PRKCQ: variants seen among roughly 807,000 people sequenced by gnomAD.
PRKCQ encodes protein kinase C theta.
A neutral mutation model predicts 91.2 loss-of-function variants in PRKCQ; 41 were observed. That is an observed-to-expected ratio of 0.45 (90% CI 0.35 to 0.58). The LOEUF is 0.58. PRKCQ is among the 20% of genes least tolerant of loss of function. The probability of loss-of-function intolerance (pLI) is 0.00; values close to 1 mark genes in which losing one functional copy is unlikely to be tolerated. For missense variants in PRKCQ, 673 were observed against 896.5 expected (o/e 0.75, Z 3.18); for synonymous variants, 307 against 316.9 (o/e 0.97, Z 0.33).
intron 17 of PRKCQ, among the ~76,000 whole-genome samples, chr10:6,428,660 C>T (rs1157977192): frequency 6.6e-6 from 1 of 151,912 alleles, no homozygotes; most frequent in Admixed American, 6.6e-5. Context: ...GGTTGGCAAC[C>T]TTTGAAAAAG....
At chr10:6,484,826 G>A (rs551464524) in intron 10 of PRKCQ, among the ~76,000 whole-genome samples, 3 of 152,282 alleles carry the variant, frequency 2.0e-5, no homozygotes, top group Admixed American at 2.0e-4. Context: ...AATGTCTTCT[G>A]TGGCCTTCCC....
chr10:6,502,457 G>T (rs559054418), intron 4 of PRKCQ, among the ~76,000 whole-genome samples: 1 of 152,330 alleles, frequency 6.6e-6, no homozygotes, highest in Admixed American at 6.5e-5. Flanking sequence ...GCACTAGCTG[G>T]GCATTGCCAG....
At chr10:6,565,052 G>A (rs908816415) in intron 1 of PRKCQ, among the ~76,000 whole-genome samples, 1 of 152,176 alleles carries the variant, frequency 6.6e-6, no homozygotes, top group African/African-American at 2.4e-5. Flanking sequence ...AAAATTCCCT[G>A]GAGTTTCGTT....
At chr10:6,482,681 G>A (rs184166568) in intron 11 of PRKCQ, among the ~76,000 whole-genome samples, 4 of 152,266 alleles carry the variant, frequency 2.6e-5, no homozygotes, top group South Asian at 4.1e-4. Context: ...AGACATGCCC[G>A]AGACTGGATA....
At chr10:6,544,980 TTC>T (rs1839899978) in intron 1 of PRKCQ, among the ~76,000 whole-genome samples, 1 of 62,070 alleles carries the variant, frequency 1.6e-5, no homozygotes, top group South Asian at 7.4e-4. Flanking sequence ...ATTATTTCCT[TTC>T]TGTTTTTTTT....
intron 1 of PRKCQ, among the ~76,000 whole-genome samples, chr10:6,529,239 A>T (rs528317235): frequency 6.6e-6 from 1 of 152,308 alleles, no homozygotes; most frequent in South Asian, 2.1e-4. Flanking sequence ...TCATTTTCTA[A>T]CCATGGTTAG....
chr10:6,555,539 C>T (rs1007744911), intron 1 of PRKCQ, among the ~76,000 whole-genome samples: 1 of 152,190 alleles, frequency 6.6e-6, no homozygotes, highest in African/African-American at 2.4e-5. Context: ...AAAAGACATT[C>T]ATTGTTGTGT....
At chr10:6,505,079 G>C (rs12773242) in intron 4 of PRKCQ, among the ~76,000 whole-genome samples, 7 of 151,982 alleles carry the variant, frequency 4.6e-5, no homozygotes, top group African/African-American at 1.7e-4. Flanking sequence ...ATTTTTAGTA[G>C]AGACGGGGTT....
rs1047339939 is a variant in PRKCQ at position 6,558,538 on chromosome 10, C to T, written c.-10+21673G>A. Among the ~76,000 whole-genome samples the T allele has an allele frequency of 3.3e-5, 5 of 152,100 alleles. No individual in the cohort carries two copies. The South Asian group carries it at 1.0e-3, about 31-fold the overall frequency. On this transcript the variant is annotated intron_variant, in intron 1 of 17. Coordinates refer to ENST00000263125, the MANE Select transcript of PRKCQ (RefSeq NM_006257.5). ...GAGATAAAAGATACAGGATAAATAA[C>T]TTAAGCTGATGGTTTAGCAAGCAAA...
intron 16 of PRKCQ, among the ~76,000 whole-genome samples, chr10:6,437,774 C>T (rs1833773073): frequency 6.6e-6 from 1 of 151,998 alleles, no homozygotes; most frequent in Non-Finnish European, 1.5e-5. Context: ...GCCTCAGCCT[C>T]CCAAGTAGCT....
At chr10:6,480,092 C>T (rs377418250) in intron 11 of PRKCQ, among the ~76,000 whole-genome samples, 34 of 152,210 alleles carry the variant, frequency 2.2e-4, no homozygotes, top group African/African-American at 7.0e-4. Context: ...TCAGATTCTT[C>T]GAGCTACTAG....
chr10:6,454,333 A>T (rs898281617), intron 15 of PRKCQ, among the ~76,000 whole-genome samples: 1 of 152,160 alleles, frequency 6.6e-6, no homozygotes, highest in Admixed American at 6.5e-5. Context: ...GAGCCAGGCA[A>T]GAGATGCTCA....
intron 4 of PRKCQ, among the ~76,000 whole-genome samples, chr10:6,499,164 C>T (rs1382767382): frequency 6.6e-6 from 1 of 152,130 alleles, no homozygotes; most frequent in African/African-American, 2.4e-5. Flanking sequence ...AGCTGCCAAC[C>T]ATATTTACCA....
chr10:6,445,691 T>G (rs1454888245), intron 15 of PRKCQ, among the ~76,000 whole-genome samples: 2 of 152,256 alleles, frequency 1.3e-5, no homozygotes, highest in Non-Finnish European at 1.5e-5. Flanking sequence ...CCACTACTCT[T>G]ACCTCGATAT....
chr10:6,573,977 ATGG>A (rs1465369801), intron 1 of PRKCQ, among the ~76,000 whole-genome samples: 2 of 152,224 alleles, frequency 1.3e-5, no homozygotes, highest in Non-Finnish European at 2.9e-5. Context: ...TAGCCAGGCC[ATGG>A]TGGCATGCAA....
chr10:6,483,704 A>C, intron 10 of PRKCQ, 104 bp from the exon 11 acceptor site: 1 of 1,352,434 alleles, frequency 7.4e-7, no homozygotes, highest in Non-Finnish European at 1.0e-6. Flanking sequence ...CTGAGGCTCC[A>C]TCATAGTAAT....
intron 16 of PRKCQ, 70 bp from the exon 17 acceptor site, chr10:6,431,008 C>T: frequency 1.3e-6 from 2 of 1,540,006 alleles, no homozygotes; most frequent in South Asian, 1.2e-5. Context: ...GGTCGTGGTG[C>T]TTCCTGGTGC....
intron 1 of PRKCQ, among the ~76,000 whole-genome samples, chr10:6,570,964 G>A (rs931318973): frequency 2.0e-5 from 3 of 152,088 alleles, no homozygotes; most frequent in African/African-American, 4.8e-5. Context: ...GTTCTGAATC[G>A]GGAAACTTGT....
chr10:6,464,969 G>A (rs1424704945), intron 12 of PRKCQ, among the ~76,000 whole-genome samples: 1 of 152,148 alleles, frequency 6.6e-6, no homozygotes, highest in East Asian at 1.9e-4. Context: ...CCCAGCAGAT[G>A]AGCGGGGGGC....
Sources: gnomAD v4.1 joint callset for allele counts (sites outside exome capture counted in the v4.1 genomes callset) on GRCh38, gnomAD v4.1.1 for gene constraint, MANE v1.5 for transcripts, NCBI Gene and HGNC (gene_info 2026-07-23, HGNC 2026-07-21) for gene names.